The following CFAP54 variants were observed in gnomAD, a reference collection of about 807,000 sequenced individuals.
The protein encoded by CFAP54 is cilia- and flagella-associated protein 54.
In CFAP54, 290 loss-of-function variants were observed where a neutral mutation model predicts 370.4. The ratio of observed to expected loss-of-function variants is 0.78; its 90% CI spans 0.71 to 0.86. CFAP54 has a LOEUF of 0.86. Ranked by LOEUF, CFAP54 falls within the 40% of genes least tolerant of loss-of-function variation. The pLI is 0.00. For missense variants in CFAP54, 3,399 were observed against 3,528.7 expected (o/e 0.96, Z 0.93); for synonymous variants, 1,206 against 1,236.5 (o/e 0.98, Z 0.52).
intron 15 of CFAP54, among the ~76,000 whole-genome samples, chr12:96,549,105 C>T (rs1016682155): frequency 1.3e-5 from 2 of 152,262 alleles, no homozygotes; most frequent in South Asian, 2.1e-4. Context: ...CTGCCCACCT[C>T]GGCCTCCCAA....
chr12:96,672,386 A>G (rs1166877205), intron 39 of CFAP54, among the ~76,000 whole-genome samples: 2 of 152,174 alleles, frequency 1.3e-5, no homozygotes, highest in African/African-American at 4.8e-5. Flanking sequence ...CTCATTGGGT[A>G]CTGGAAGTTT....
At chr12:96,773,825 T>G (rs1405622957) in intron 60 of CFAP54, among the ~76,000 whole-genome samples, 1 of 152,224 alleles carries the variant, frequency 6.6e-6, no homozygotes, top group Admixed American at 6.5e-5. Context: ...CTTATACATT[T>G]GTATCATTTT....
intron 26 of CFAP54, among the ~76,000 whole-genome samples, chr12:96,615,769 T>C (rs563396396): frequency 6.6e-6 from 1 of 152,262 alleles, no homozygotes; most frequent in East Asian, 1.9e-4. Flanking sequence ...AAAATGCTCA[T>C]CATCACTGGC....
intron 30 of CFAP54, among the ~76,000 whole-genome samples, chr12:96,627,381 C>T (rs946377362): frequency 1.2e-4 from 19 of 152,130 alleles, no homozygotes; most frequent in Admixed American, 3.9e-4. Flanking sequence ...CTTAAAGCTG[C>T]CCCTCTTATT....
chr12:96,707,472 G>A (rs941577040), intron 47 of CFAP54, among the ~76,000 whole-genome samples: 1 of 152,110 alleles, frequency 6.6e-6, no homozygotes, highest in African/African-American at 2.4e-5. Context: ...GTGGGTTTAG[G>A]AGCAAATGAA....
intron 46 of CFAP54, among the ~76,000 whole-genome samples, chr12:96,700,641 T>C (rs1957481834): frequency 6.6e-6 from 1 of 152,208 alleles, no homozygotes; most frequent in Admixed American, 6.5e-5. Flanking sequence ...AACTGGATAA[T>C]TGAAGCATCC....
At chr12:96,615,601 G>T (rs78045143) in intron 26 of CFAP54, among the ~76,000 whole-genome samples, 1 of 151,660 alleles carries the variant, frequency 6.6e-6, no homozygotes, top group Non-Finnish European at 1.5e-5. Flanking sequence ...GAAAATTTTT[G>T]CAATCTATCC....
In CFAP54 at chr12:96,875,264, G is replaced by C. The variant is rs1960279856; in HGVS notation, c.*161G>C. The C allele has an allele frequency of 6.6e-6, 1 of 152,114 alleles. No homozygotes were observed. The highest frequency in any genetic ancestry group is 1.5e-5 in the Non-Finnish European group (1 of 68,016). 9.4% of individuals were successfully genotyped at this position (152,114 alleles called of 1,614,324 possible). On this transcript the variant is annotated 3_prime_UTR_variant, in exon 68 of 68. Transcript: ENST00000524981. ...CACAGAAGCCTCTAGTTCAAACTTGGATCTTGCCCCATCTGATTTCTTATG... is the reference window on the plus strand; with the variant it reads ...CACAGAAGCCTCTAGTTCAAACTTGCATCTTGCCCCATCTGATTTCTTATG...
At chr12:96,752,705 G>A (rs1440634129) in intron 55 of CFAP54, among the ~76,000 whole-genome samples, 1 of 152,134 alleles carries the variant, frequency 6.6e-6, no homozygotes. Flanking sequence ...AAAGTGCCCC[G>A]TGCTTTCTCT....
chr12:96,725,333 G>C (rs1442339990), intron 50 of CFAP54, among the ~76,000 whole-genome samples: 4 of 151,858 alleles, frequency 2.6e-5, no homozygotes, highest in Admixed American at 2.6e-4. Context: ...CCATTTGTTT[G>C]TATCCTCTTT....
At chr12:96,682,408 TC>T in intron 40 of CFAP54, 1 of 732,502 alleles carries the variant, frequency 1.4e-6, no homozygotes, top group Non-Finnish European at 1.7e-6. Context: ...CATTTTGTCA[TC>T]CAGGCTGGAG....
intron 50 of CFAP54, among the ~76,000 whole-genome samples, chr12:96,732,442 T>A (rs1957931819): frequency 6.6e-6 from 1 of 152,204 alleles, no homozygotes; most frequent in South Asian, 2.1e-4. Flanking sequence ...ACTTGGTAGC[T>A]TGTTTTTTAT....
chr12:96,759,121 C>A (rs1041517601), intron 58 of CFAP54, among the ~76,000 whole-genome samples: 2 of 151,884 alleles, frequency 1.3e-5, no homozygotes, highest in Non-Finnish European at 2.9e-5. Context: ...TGATTTAAAA[C>A]CTTTAGGCAA....
chr12:96,638,336 C>T (rs192135695), intron 32 of CFAP54, among the ~76,000 whole-genome samples: 4 of 151,240 alleles, frequency 2.6e-5, no homozygotes, highest in African/African-American at 4.9e-5. Flanking sequence ...TGGGCTTAAG[C>T]GCGATCCTCC....
At chr12:96,840,471 A>T (rs1959205118) in intron 66 of CFAP54, among the ~76,000 whole-genome samples, 2 of 152,232 alleles carry the variant, frequency 1.3e-5, no homozygotes, top group South Asian at 4.1e-4. Context: ...GATTTCCCAA[A>T]TGGTAGTAAT....
intron 2 of CFAP54, chr12:96,501,176 A>G (rs1565876124): frequency 2.8e-6 from 1 of 362,314 alleles, no homozygotes; most frequent in Non-Finnish European, 5.1e-6. Context: ...CTGGCTGTGG[A>G]TGGGCAGGAG....
chr12:96,505,695 G>C (rs1259795677), intron 3 of CFAP54, among the ~76,000 whole-genome samples: 3 of 151,924 alleles, frequency 2.0e-5, no homozygotes, highest in Non-Finnish European at 4.4e-5. Flanking sequence ...TAGAGATGGG[G>C]TTTCTCCATG....
At chr12:96,519,348 T>C (rs1955277657) in intron 6 of CFAP54, among the ~76,000 whole-genome samples, 1 of 152,148 alleles carries the variant, frequency 6.6e-6, no homozygotes, top group Non-Finnish European at 1.5e-5. Flanking sequence ...ATCTGCCTGC[T>C]TTGGCTTCTC....
rs1478007525 is a variant in CFAP54, at chr12:96,705,029, T to C, written c.6528+233T>C. On this transcript the variant is annotated intron_variant, in intron 47 of 67. Coordinates refer to ENST00000524981, the MANE Select transcript of CFAP54 (RefSeq NM_001306084.2). ...ACTTAAGCACTTGATGACCTAGTAATATTTGAATATCTTGAAATAATAATT... is the reference window on the plus strand; with the variant it reads ...ACTTAAGCACTTGATGACCTAGTAACATTTGAATATCTTGAAATAATAATT... Among the ~76,000 whole-genome samples the C allele has an allele frequency of 3.9e-5, 6 of 152,290 alleles. No individual in the cohort carries two copies. In the East Asian group the frequency reaches 1.2e-3, roughly 29 times the overall value.
Sources: gnomAD v4.1 joint callset for allele counts (sites outside exome capture counted in the v4.1 genomes callset) on GRCh38, gnomAD v4.1.1 for gene constraint, MANE v1.5 for transcripts, NCBI Gene and HGNC (gene_info 2026-07-23, HGNC 2026-07-21) for gene names.